ZNF521: variants seen among roughly 807,000 people sequenced by gnomAD.
ZNF521 encodes LYST-interacting protein 3.
In ZNF521, 14 loss-of-function variants were observed where a neutral mutation model predicts 105.5. The observed-to-expected ratio is 0.13, with a 90% CI of 0.09 to 0.21. The LOEUF (loss-of-function observed/expected upper bound fraction) is 0.21, where lower values mean the gene tolerates loss of function less well. ZNF521 is among the 10% of genes least tolerant of loss of function. The pLI is 1.00. For missense variants in ZNF521, 1,233 were observed against 1,629.7 expected (o/e 0.76, Z 4.19); for synonymous variants, 635 against 606.0 (o/e 1.05, Z -0.70).
chr18:25,085,017 T>C (rs2144186751), intron 7 of ZNF521, among the ~76,000 whole-genome samples: 1 of 152,294 alleles, frequency 6.6e-6, no homozygotes, highest in Admixed American at 6.5e-5. Context: ...TAGGAAAACA[T>C]GTGAAACATT....
At chr18:25,299,253 A>G (rs534294212) in intron 3 of ZNF521, among the ~76,000 whole-genome samples, 4 of 152,340 alleles carry the variant, frequency 2.6e-5, no homozygotes, top group African/African-American at 9.6e-5. Flanking sequence ...ATGTAACTTT[A>G]CAAAACAAAA....
At chr18:25,325,180 T>G (rs1013362832) in intron 2 of ZNF521, among the ~76,000 whole-genome samples, 12 of 152,176 alleles carry the variant, frequency 7.9e-5, no homozygotes, top group African/African-American at 2.9e-4. Flanking sequence ...AGCCTCTACT[T>G]TCATGAAAAA....
chr18:25,227,386 C>T lies in ZNF521; in HGVS notation c.532G>A (p.Glu178Lys). The T allele has an allele frequency of 6.2e-7, 1 of 1,614,154 alleles. No individual in the cohort carries two copies. The highest frequency in any genetic ancestry group is 8.5e-7 in the Non-Finnish European group (1 of 1,180,016). The change falls in exon 4 of 8, where the codon GAA (glutamate) becomes AAA (lysine). Residue 178 changes from glutamate (E) to lysine (K), a missense_variant. Physicochemically the swap from Glu to Lys is moderately conservative, Grantham distance 56. This residue lies in a region of ZNF521 where 85 missense variants were observed against 162.2 expected (regional missense o/e 0.52). Coordinates refer to ENST00000361524, the MANE Select transcript of ZNF521 (RefSeq NM_015461.3). The surrounding 1 kb of genome is among the most constrained non-coding windows in gnomAD (Gnocchi z 5.7). ...HTGDKKYHCS[E>K]CDAAFSRSDH... The stretch of plus-strand genomic sequence containing the variant: ...CTTCTGGAAAACGCAGCATCACATT[C>T]ACTGCAGTGGTACTTCTTGTCCCCG...
At chr18:25,236,149 C>T (rs1906875315) in intron 3 of ZNF521, among the ~76,000 whole-genome samples, 1 of 152,140 alleles carries the variant, frequency 6.6e-6, no homozygotes, top group African/African-American at 2.4e-5. Context: ...AGCCAACCAC[C>T]CAGCAGCTGC....
At chr18:25,284,494 A>G (rs1910572590) in intron 3 of ZNF521, among the ~76,000 whole-genome samples, 1 of 152,222 alleles carries the variant, frequency 6.6e-6, no homozygotes, top group Non-Finnish European at 1.5e-5. Flanking sequence ...ATCTCATCAG[A>G]AAGCAGCCAA....
intron 2 of ZNF521, among the ~76,000 whole-genome samples, chr18:25,350,546 A>C (rs1049492478): frequency 2.0e-5 from 3 of 152,126 alleles, no homozygotes; most frequent in African/African-American, 7.2e-5. Flanking sequence ...CACACAACAG[A>C]AACTTTTTCC....
intron 4 of ZNF521, among the ~76,000 whole-genome samples, chr18:25,199,430 TCTGA>T (rs1257366578): frequency 1.3e-5 from 2 of 151,940 alleles, no homozygotes; most frequent in African/African-American, 2.4e-5. Flanking sequence ...TAGATATCAA[TCTGA>T]CTATCAGCTG....
chr18:25,262,283 AG>A (rs1309772765), intron 3 of ZNF521, among the ~76,000 whole-genome samples: 2 of 152,232 alleles, frequency 1.3e-5, no homozygotes, highest in Non-Finnish European at 2.9e-5. Context: ...AACAATTTTA[AG>A]GCAGATACTT....
At chr18:25,100,480 T>A (rs1459430643) in intron 5 of ZNF521, among the ~76,000 whole-genome samples, 4 of 152,070 alleles carry the variant, frequency 2.6e-5, no homozygotes. Flanking sequence ...ACGTCATATC[T>A]GCAATGGCAC....
At chr18:25,325,731 T>C (rs1913180241) in intron 2 of ZNF521, among the ~76,000 whole-genome samples, 1 of 152,206 alleles carries the variant, frequency 6.6e-6, no homozygotes, top group Non-Finnish European at 1.5e-5. Flanking sequence ...TGTGGGACAC[T>C]GGATTTATAC....
chr18:25,308,168 C>A (rs1264674187), intron 3 of ZNF521, among the ~76,000 whole-genome samples: 2 of 141,092 alleles, frequency 1.4e-5, no homozygotes, highest in Admixed American at 1.5e-4. Context: ...CGCCATTGCA[C>A]TCCAGCCTGG....
chr18:25,317,023 T>A (rs1039643744), intron 3 of ZNF521, among the ~76,000 whole-genome samples: 1 of 151,978 alleles, frequency 6.6e-6, no homozygotes, highest in Non-Finnish European at 1.5e-5. Flanking sequence ...CCCTGCTAAC[T>A]TTTTTGTATT....
At chr18:25,181,403 C>G (rs2035629713) in intron 5 of ZNF521, among the ~76,000 whole-genome samples, 2 of 152,084 alleles carry the variant, frequency 1.3e-5, no homozygotes, top group Admixed American at 6.5e-5. Flanking sequence ...AGCAATGTTA[C>G]TTACGGGAAA....
intron 7 of ZNF521, among the ~76,000 whole-genome samples, chr18:25,063,853 G>A (rs1021922141): frequency 1.3e-5 from 2 of 152,016 alleles, no homozygotes; most frequent in Non-Finnish European, 2.9e-5. Context: ...CAACCTTGGG[G>A]CCCAGCTCAA....
At chr18:25,235,058 G>T (rs1362682067) in intron 3 of ZNF521, among the ~76,000 whole-genome samples, 1 of 152,048 alleles carries the variant, frequency 6.6e-6, no homozygotes, top group Non-Finnish European at 1.5e-5. Context: ...TCAATGTGTA[G>T]CAGTTCATTG....
At chr18:25,312,628 A>G (rs1392828586) in intron 3 of ZNF521, among the ~76,000 whole-genome samples, 1 of 58,816 alleles carries the variant, frequency 1.7e-5, no homozygotes, top group Non-Finnish European at 3.7e-5. Context: ...CTGGCTAACA[A>G]GGTGAAACCC....
chr18:25,192,690 C>CAAA (rs35255872), intron 5 of ZNF521, among the ~76,000 whole-genome samples: 15 of 128,544 alleles, frequency 1.2e-4, no homozygotes, highest in African/African-American at 2.6e-4. Context: ...TTTGATTAGA[C>CAAA]AAAAAAAAAA....
At chr18:25,243,064 C>T (rs975541812) in intron 3 of ZNF521, among the ~76,000 whole-genome samples, 2 of 152,286 alleles carry the variant, frequency 1.3e-5, no homozygotes, top group South Asian at 4.2e-4. Context: ...CTGCCTTTCT[C>T]AACAGAGTTT....
At chr18:25,342,499 G>T (rs924372656) in intron 2 of ZNF521, among the ~76,000 whole-genome samples, 2 of 147,846 alleles carry the variant, frequency 1.4e-5, no homozygotes, top group Non-Finnish European at 3.0e-5. Context: ...AGCCATCTTG[G>T]CTCACTGAAA....
Sources: gnomAD v4.1 joint callset for allele counts (sites outside exome capture counted in the v4.1 genomes callset) on GRCh38, gnomAD v4.1.1 for gene constraint, gnomAD v4.1.1 regional missense constraint, Gnocchi (gnomAD v3.1) non-coding constraint, MANE v1.5 for transcripts, NCBI Gene and HGNC (gene_info 2026-07-23, HGNC 2026-07-21) for gene names.